The following CEP70 variants were observed in gnomAD, a reference collection of about 807,000 sequenced individuals.
The protein encoded by CEP70 is centrosomal protein of 70 kDa.
Under a neutral mutation model 90.9 loss-of-function variants are expected in CEP70, and 70 were observed. The ratio of observed to expected loss-of-function variants is 0.77; its 90% CI spans 0.64 to 0.94. CEP70 has a LOEUF of 0.94. Ranked by LOEUF, CEP70 falls within the 40% of genes least tolerant of loss-of-function variation. The pLI, the probability that CEP70 is intolerant of heterozygous loss-of-function variation, is 0.00. For synonymous variants in CEP70, 220 were observed against 228.3 expected (o/e 0.96, Z 0.33); for missense variants, 648 against 669.0 (o/e 0.97, Z 0.35).
chr3:138,575,960 A>G (rs557794046), intron 2 of CEP70, among the ~76,000 whole-genome samples: 163 of 152,344 alleles, frequency 1.1e-3, no homozygotes, highest in African/African-American at 3.8e-3. Flanking sequence ...AGCACTAAAC[A>G]TGGAAAGGAA....
intron 17 of CEP70, chr3:138,497,769 T>A (rs1390641213): frequency 1.0e-6 from 1 of 985,150 alleles, no homozygotes; most frequent in Non-Finnish European, 1.2e-6. Context: ...AGGGTTAAAC[T>A]AGGCATGGAC....
At chr3:138,537,449 T>A in intron 6 of CEP70, 102 bp from the exon 7 acceptor site, 1 of 730,316 alleles carries the variant, frequency 1.4e-6, no homozygotes, top group Non-Finnish European at 2.0e-6. Flanking sequence ...TCTACTGAGC[T>A]GTTTCATTCA....
At chr3:138,540,919 A>G (rs958453829) in intron 6 of CEP70, among the ~76,000 whole-genome samples, 3 of 152,234 alleles carry the variant, frequency 2.0e-5, no homozygotes, top group Admixed American at 6.5e-5. Context: ...GCCATAAAAA[A>G]GAACAAGATC....
chr3:138,557,099 G>A (rs1437660577), intron 6 of CEP70, among the ~76,000 whole-genome samples: 2 of 152,084 alleles, frequency 1.3e-5, no homozygotes, highest in Non-Finnish European at 2.9e-5. Context: ...ACCCTCAGGG[G>A]CGCATTCTCT....
intron 12 of CEP70, among the ~76,000 whole-genome samples, chr3:138,507,569 T>C (rs1439282157): frequency 2.6e-5 from 4 of 152,168 alleles, no homozygotes; most frequent in Non-Finnish European, 4.4e-5. Flanking sequence ...CTAGAGAATC[T>C]AAAAACAAAT....
At chr3:138,506,456 T>C (rs997062988) in intron 12 of CEP70, among the ~76,000 whole-genome samples, 4 of 152,024 alleles carry the variant, frequency 2.6e-5, no homozygotes, top group Non-Finnish European at 4.4e-5. Flanking sequence ...ACCTTACATA[T>C]CATCCGAGGA....
In CEP70 at chr3:138,562,255, A is replaced by G. The variant is rs529139245; in HGVS notation, c.465+8063T>C. Among the ~76,000 whole-genome samples the G allele has an allele frequency of 1.6e-4, 24 of 152,284 alleles. No homozygotes were observed. The South Asian group carries it at 3.3e-3, about 21-fold the overall frequency. On this transcript the variant is annotated intron_variant, in intron 6 of 17. Coordinates refer to ENST00000264982, the MANE Select transcript of CEP70 (RefSeq NM_024491.4). ...TATTGTACCTGAAAGTGACGGGGAG[A>G]AAGGAACCAAGTTGGAAAACACTCT...
chr3:138,545,665 C>T (rs1473500155), intron 6 of CEP70, among the ~76,000 whole-genome samples: 1 of 152,044 alleles, frequency 6.6e-6, no homozygotes, highest in African/African-American at 2.4e-5. Flanking sequence ...GGAGAGATAC[C>T]GCTGAATTCT....
intron 17 of CEP70, chr3:138,496,244 T>C: frequency 1.0e-6 from 1 of 985,444 alleles, no homozygotes; most frequent in Non-Finnish European, 1.2e-6. Flanking sequence ...CTCTCTCCAT[T>C]GTGTAGCTGG....
chr3:138,572,981 T>C (rs2108168716), intron 2 of CEP70, 49 bp from the exon 3 acceptor site: 2 of 1,332,220 alleles, frequency 1.5e-6, no homozygotes, highest in African/African-American at 2.9e-5. Context: ...AAAATTTGAG[T>C]TGCCTAAATG....
chr3:138,546,116 C>T (rs1041813818), intron 6 of CEP70, among the ~76,000 whole-genome samples: 1 of 152,104 alleles, frequency 6.6e-6, no homozygotes, highest in Non-Finnish European at 1.5e-5. Context: ...TTTTGCGGCT[C>T]AGGACATCAT....
intron 8 of CEP70, chr3:138,531,421 A>G (rs2037801891): frequency 6.6e-6 from 1 of 152,170 alleles, no homozygotes; most frequent in Non-Finnish European, 1.5e-5. Context: ...TCTGCAGGCT[A>G]TATTCAGCAG....
chr3:138,550,393 C>T (rs1404901330), intron 6 of CEP70, among the ~76,000 whole-genome samples: 3 of 152,144 alleles, frequency 2.0e-5, no homozygotes, highest in Admixed American at 6.5e-5. Context: ...GACGGAGTTT[C>T]GCTCTTGTCA....
chr3:138,508,347 T>G (rs78146857), intron 12 of CEP70, 92 bp downstream of exon 12: 1 of 808,034 alleles, frequency 1.2e-6, no homozygotes, highest in African/African-American at 1.7e-5. Flanking sequence ...GTGCAAGTAT[T>G]CCTTACCAAC....
chr3:138,508,994 A>G (rs1276181406), intron 11 of CEP70, among the ~76,000 whole-genome samples: 1 of 152,094 alleles, frequency 6.6e-6, no homozygotes. Context: ...CAGCCTCCCA[A>G]AGTGTTGGGA....
intron 6 of CEP70, among the ~76,000 whole-genome samples, chr3:138,557,958 T>C (rs1301888736): frequency 1.3e-5 from 2 of 152,146 alleles, no homozygotes; most frequent in East Asian, 3.8e-4. Flanking sequence ...GACTAGGTAA[T>C]TCAGACCAAT....
intron 6 of CEP70, among the ~76,000 whole-genome samples, chr3:138,566,388 C>A (rs755657313): frequency 6.6e-6 from 1 of 152,130 alleles, no homozygotes; most frequent in Non-Finnish European, 1.5e-5. Flanking sequence ...ACGTTTATTG[C>A]AGCACTATTC....
intron 7 of CEP70, among the ~76,000 whole-genome samples, chr3:138,533,075 T>C (rs1190345973): frequency 6.6e-6 from 1 of 152,094 alleles, no homozygotes; most frequent in Non-Finnish European, 1.5e-5. Flanking sequence ...AGGTCAGCAG[T>C]TCGAGACTAT....
chr3:138,552,901 G>T (rs2039724994), intron 6 of CEP70, among the ~76,000 whole-genome samples: 1 of 152,048 alleles, frequency 6.6e-6, no homozygotes, highest in African/African-American at 2.4e-5. Flanking sequence ...CTGGTTCCTT[G>T]AAAAGATAAA....
Sources: allele counts gnomAD v4.1 joint callset (sites outside exome capture counted in the v4.1 genomes callset), GRCh38; gene constraint gnomAD v4.1.1; transcripts MANE v1.5; gene names NCBI Gene and HGNC (gene_info 2026-07-23, HGNC 2026-07-21).